KCTD1: variants seen among roughly 807,000 people sequenced by gnomAD.
The protein encoded by KCTD1 is BTB/POZ domain-containing protein KCTD1.
Under a neutral mutation model 66.0 loss-of-function variants are expected in KCTD1, and 24 were observed. The ratio of observed to expected loss-of-function variants is 0.36; its 90% CI spans 0.26 to 0.51. KCTD1 has a LOEUF of 0.51. Ranked by LOEUF, KCTD1 falls within the 20% of genes least tolerant of loss-of-function variation. The pLI, the probability that KCTD1 is intolerant of heterozygous loss-of-function variation, is 0.95. For synonymous variants in KCTD1, 511 were observed against 517.2 expected (o/e 0.99, Z 0.16); for missense variants, 943 against 1,205.2 (o/e 0.78, Z 3.22).
intron 1 of KCTD1, among the ~76,000 whole-genome samples, chr18:26,533,160 C>A (rs1191430084): frequency 6.6e-6 from 1 of 152,166 alleles, no homozygotes; most frequent in African/African-American, 2.4e-5. Context: ...ATTGTGGGAA[C>A]AAATTCTTCA....
chr18:26,522,287 C>T (rs1314124041), intron 1 of KCTD1, among the ~76,000 whole-genome samples: 3 of 152,180 alleles, frequency 2.0e-5, no homozygotes, highest in Non-Finnish European at 2.9e-5. Context: ...TACAGACAAA[C>T]GCACGGGGAA....
intron 1 of KCTD1, among the ~76,000 whole-genome samples, chr18:26,621,624 AGG>A (rs1467562329): frequency 1.3e-5 from 2 of 152,152 alleles, no homozygotes; most frequent in Non-Finnish European, 2.9e-5. Context: ...AACTTGCACA[AGG>A]GGGCAGGGCA....
intron 1 of KCTD1, among the ~76,000 whole-genome samples, chr18:26,528,857 G>A (rs998113113): frequency 1.3e-5 from 2 of 152,094 alleles, no homozygotes; most frequent in Admixed American, 6.6e-5. Context: ...GTTCTATGCC[G>A]GCAACACTTT....
intron 1 of KCTD1, among the ~76,000 whole-genome samples, chr18:26,556,212 G>T (rs150683853): frequency 4.4e-4 from 67 of 152,264 alleles, no homozygotes; most frequent in African/African-American, 1.4e-3. Context: ...GGAGATCCAG[G>T]CTTTGCACCT....
chr18:26,583,839 C>A (rs1986413615), intron 1 of KCTD1, among the ~76,000 whole-genome samples: 1 of 152,142 alleles, frequency 6.6e-6, no homozygotes, highest in Admixed American at 6.5e-5. Flanking sequence ...AAAAGTGGCT[C>A]CTAAGGACGC....
chr18:26,650,304 C>T (rs1988006414), intron 1 of KCTD1, among the ~76,000 whole-genome samples: 2 of 152,104 alleles, frequency 1.3e-5, no homozygotes, highest in South Asian at 4.1e-4. Context: ...TTCTTGCGTC[C>T]CCTGAAATTA....
intron 1 of KCTD1, among the ~76,000 whole-genome samples, chr18:26,608,720 T>G (rs781057280): frequency 6.6e-6 from 1 of 152,222 alleles, no homozygotes; most frequent in Non-Finnish European, 1.5e-5. Flanking sequence ...ACAGTGATGC[T>G]TTACCCACTT....
chr18:26,601,326 T>TTAAA (rs1555646203), intron 1 of KCTD1, among the ~76,000 whole-genome samples: 6,244 of 93,212 alleles, frequency 0.067, 464 homozygotes, highest in East Asian at 0.23. Flanking sequence ...TGTTCATTGG[T>TTAAA]AAAAAAAAAA....
chr18:26,549,284 G>A (rs1254775315), upstream of KCTD1: 1 of 985,476 alleles, frequency 1.0e-6, no homozygotes, highest in Non-Finnish European at 1.2e-6. Context: ...CCAGCCGCGC[G>A]GCTCCCAACT....
intron 1 of KCTD1, among the ~76,000 whole-genome samples, chr18:26,515,243 C>T (rs1489767986): frequency 1.3e-5 from 2 of 152,148 alleles, no homozygotes; most frequent in Non-Finnish European, 2.9e-5. Context: ...GATCTCAGAA[C>T]TCCAAAGACT....
intron 2 of KCTD1, among the ~76,000 whole-genome samples, chr18:26,497,022 G>A (rs1982513210): frequency 6.6e-6 from 1 of 152,078 alleles, no homozygotes; most frequent in Non-Finnish European, 1.5e-5. Context: ...CTTCCCAGGT[G>A]CTTCTAATGT....
intron 3 of KCTD1, among the ~76,000 whole-genome samples, chr18:26,469,651 A>G (rs1247672342): frequency 2.0e-5 from 3 of 152,210 alleles, no homozygotes; most frequent in Non-Finnish European, 4.4e-5. Context: ...GCAGCATACA[A>G]TGATGATATT....
Position 26,548,366 on chromosome 18 carries a change from C to A in KCTD1, c.171G>T (p.Glu57Asp), listed in dbSNP as rs1313320039. 1 of 1,483,864 alleles carries A rather than the reference C, an allele frequency of 6.7e-7. No homozygotes were observed. Among genetic ancestry groups the A allele is most frequent in the African/African-American group, 1.4e-5 (1 of 70,640 alleles). 91.9% of individuals were successfully genotyped at this position (1,483,864 alleles called of 1,614,324 possible). Reference protein sequence around the residue: ...RPHYCSAGEEEEEEEEEDEIQ... With the variant: ...RPHYCSAGEEDEEEEEEDEIQ... ...TCTCGTCCTCCTCCTCCTCTTCCTC[C>A]TCCTCCTCGCCCGCGCTGCAGTAGT... Residue 57 changes from glutamate (E) to aspartate (D), a missense_variant, in exon 1 of 5, where the codon GAG becomes GAT. Around this residue, in one of 10 missense-constraint regions of KCTD1, gnomAD observed 236 missense variants for 206.6 expected, o/e 1.14. Coordinates refer to ENST00000580059, the MANE Select transcript of KCTD1 (RefSeq NM_001142730.3).
intron 2 of KCTD1, among the ~76,000 whole-genome samples, chr18:26,480,852 T>C (rs1340520175): frequency 2.0e-5 from 3 of 152,152 alleles, no homozygotes; most frequent in African/African-American, 7.2e-5. Context: ...ACCAAGCCCA[T>C]TTGGTGGGAA....
At chr18:26,599,398 C>T (rs962155707) in intron 1 of KCTD1, 2 of 1,611,082 alleles carry the variant, frequency 1.2e-6, no homozygotes, top group Non-Finnish European at 1.7e-6. Flanking sequence ...CAGTACTGCA[C>T]TGCAAGAATG....
At chr18:26,595,694 G>A (rs554936) in intron 1 of KCTD1, among the ~76,000 whole-genome samples, 37,424 of 152,022 alleles carry the variant, frequency 0.25, 4,754 homozygotes, top group East Asian at 0.34. Flanking sequence ...TTTACTTTTA[G>A]GTAGACCCTC....
intron 1 of KCTD1, among the ~76,000 whole-genome samples, chr18:26,628,784 G>T (rs551823737): frequency 6.6e-6 from 1 of 152,318 alleles, no homozygotes; most frequent in Non-Finnish European, 1.5e-5. Context: ...AGAGCCTGAA[G>T]ATAGAGGCTT....
upstream of KCTD1, among the ~76,000 whole-genome samples, chr18:26,550,094 G>A (rs1240157959): frequency 2.0e-5 from 3 of 152,140 alleles, no homozygotes; most frequent in Non-Finnish European, 2.9e-5. This position sits in a 1 kb window ranked among gnomAD's most constrained non-coding sequence, Gnocchi z 5.4. Context: ...CGAGTCCCTG[G>A]GGTGAGGGGA....
At chr18:26,571,703 A>G (rs1276315175) in intron 1 of KCTD1, among the ~76,000 whole-genome samples, 1 of 152,226 alleles carries the variant, frequency 6.6e-6, no homozygotes, top group African/African-American at 2.4e-5. Flanking sequence ...TTACAGATAC[A>G]TAGAGCCAAC....
Sources: allele counts gnomAD v4.1 joint callset (sites outside exome capture counted in the v4.1 genomes callset), GRCh38; gene constraint gnomAD v4.1.1; regional missense constraint gnomAD v4.1.1; non-coding constraint Gnocchi (gnomAD v3.1); transcripts MANE v1.5; gene names NCBI Gene and HGNC (gene_info 2026-07-23, HGNC 2026-07-21).